PPARGC1A: variants seen among roughly 807,000 people sequenced by gnomAD.
The protein encoded by PPARGC1A is peroxisome proliferator-activated receptor gamma coactivator 1-alpha.
In PPARGC1A, 25 loss-of-function variants were observed where a neutral mutation model predicts 88.7. The ratio of observed to expected loss-of-function variants is 0.28; its 90% CI spans 0.21 to 0.39. PPARGC1A has a LOEUF of 0.39. PPARGC1A is among the 10% of genes least tolerant of loss of function. The probability of loss-of-function intolerance (pLI) is 1.00; values close to 1 mark genes in which losing one functional copy is unlikely to be tolerated. For missense variants in PPARGC1A, 880 were observed against 968.7 expected (o/e 0.91, Z 1.22); for synonymous variants, 363 against 355.6 (o/e 1.02, Z -0.24).
At position 23,813,796 on chromosome 4, in the gene PPARGC1A, G is replaced by C. The variant is rs1021400171; in HGVS notation, c.1687C>G (p.Gln563Glu). ...GACCTTGAACGAGAGCGCATCCTTTGGGGTCTTTGAGAAAATAAGGATTTG... is the reference window on the plus strand; with the variant it reads ...GACCTTGAACGAGAGCGCATCCTTTCGGGTCTTTGAGAAAATAAGGATTTG... ...PPKSLFSQRP[Q>E]RMRSRSRSFS... The change falls in exon 8 of 13, where the codon CAA becomes GAA. Residue 563 changes from glutamine (Q) to glutamate (E), a missense_variant. Gln to Glu is a conservative substitution (Grantham distance 29). Coordinates refer to ENST00000264867, the MANE Select transcript of PPARGC1A (RefSeq NM_013261.5). 2 of 1,613,318 alleles carry C rather than the reference G, an allele frequency of 1.2e-6. No homozygotes were observed. The highest frequency in any genetic ancestry group is 3.3e-5 in the Admixed American group (2 of 59,974).
At chr4:23,914,553 A>G in the PPARGC1A span, among the ~76,000 whole-genome samples, 1 of 152,236 alleles carries the variant, frequency 6.6e-6, no homozygotes, top group African/African-American at 2.4e-5. Context: ...CCAAAACTTG[A>G]GAATATGATT....
chr4:23,996,841 C>T, the PPARGC1A span, among the ~76,000 whole-genome samples: 20 of 152,162 alleles, frequency 1.3e-4, 1 homozygote, highest in African/African-American at 4.1e-4. Flanking sequence ...TAACAAAAAC[C>T]GGTGGCCAAG....
the PPARGC1A span, among the ~76,000 whole-genome samples, chr4:24,132,397 G>A: frequency 5.3e-5 from 8 of 152,206 alleles, no homozygotes; most frequent in Non-Finnish European, 8.8e-5. Flanking sequence ...GCTGCCTAGA[G>A]TCCCGGTGAC....
At chr4:23,958,203 A>G in the PPARGC1A span, among the ~76,000 whole-genome samples, 1 of 152,114 alleles carries the variant, frequency 6.6e-6, no homozygotes, top group Non-Finnish European at 1.5e-5. Flanking sequence ...TTTTACAATA[A>G]TCATCATTTT....
At chr4:24,132,473 C>T in the PPARGC1A span, among the ~76,000 whole-genome samples, 1 of 152,182 alleles carries the variant, frequency 6.6e-6, no homozygotes, top group African/African-American at 2.4e-5. Context: ...TCGAGTAATA[C>T]AGCAGCTGCT....
At chr4:23,890,602 C>CTTTTTTTTTTT (rs56855205), upstream of PPARGC1A, among the ~76,000 whole-genome samples, 3 of 103,230 alleles carry the variant, frequency 2.9e-5, no homozygotes, top group Non-Finnish European at 3.8e-5. Flanking sequence ...GCAAACGGGG[C>CTTTTTTTTTTT]TTTTTTTTTT....
At position 23,813,410 on chromosome 4, in the gene PPARGC1A, C is replaced by A. The variant is rs1160929163; in HGVS notation, c.1793+280G>T. Among the ~76,000 whole-genome samples the A allele has an allele frequency of 3.9e-5, 6 of 152,268 alleles. No homozygotes were observed. In the East Asian group the frequency reaches 5.8e-4, roughly 15 times the overall value. ...GGATCTCCACTATCCTGGCACAGGG[C>A]AGCTCTCCAGGTAATGGAAAAAGTT... On this transcript the variant is annotated intron_variant, in intron 8 of 12. Coordinates refer to ENST00000264867, the MANE Select transcript of PPARGC1A (RefSeq NM_013261.5).
the PPARGC1A span, among the ~76,000 whole-genome samples, chr4:24,385,772 C>T: frequency 2.0e-5 from 3 of 152,096 alleles, no homozygotes; most frequent in East Asian, 5.8e-4. Flanking sequence ...CCAAAAAAAG[C>T]CCAGGACCAG....
At chr4:24,461,980 T>C in the PPARGC1A span, among the ~76,000 whole-genome samples, 2 of 152,220 alleles carry the variant, frequency 1.3e-5, no homozygotes, top group Non-Finnish European at 2.9e-5. Context: ...TCTATCTTCT[T>C]TGCATCCAGG....
At chr4:24,036,512 G>A in the PPARGC1A span, among the ~76,000 whole-genome samples, 10 of 151,986 alleles carry the variant, frequency 6.6e-5, no homozygotes, top group Admixed American at 3.9e-4. Flanking sequence ...GGAGAGGGAC[G>A]AAGTGAAATG....
the PPARGC1A span, among the ~76,000 whole-genome samples, chr4:24,143,170 A>G: frequency 6.6e-6 from 1 of 152,166 alleles, no homozygotes; most frequent in Non-Finnish European, 1.5e-5. Context: ...GAAGATTAGG[A>G]GTGATGTTTA....
the PPARGC1A span, among the ~76,000 whole-genome samples, chr4:24,095,570 G>A: frequency 6.6e-6 from 1 of 152,052 alleles, no homozygotes; most frequent in Admixed American, 6.5e-5. Context: ...TGAGGGTAAG[G>A]ACAGATTCAG....
chr4:23,823,615 T>C (rs1179396847), intron 7 of PPARGC1A, among the ~76,000 whole-genome samples: 2 of 152,104 alleles, frequency 1.3e-5, no homozygotes, highest in African/African-American at 4.8e-5. Flanking sequence ...AATAGTGTTA[T>C]GTATTTAAGA....
chr4:24,049,322 A>ATATATATATG, the PPARGC1A span, among the ~76,000 whole-genome samples: 2,171 of 141,938 alleles, frequency 0.015, 23 homozygotes, highest in Non-Finnish European at 0.016. Flanking sequence ...ATATATATAT[A>ATATATATATG]TGTGTGTGTG....
the PPARGC1A span, among the ~76,000 whole-genome samples, chr4:24,214,500 A>G: frequency 4.8e-3 from 731 of 152,320 alleles, 29 homozygotes; most frequent in East Asian, 0.094. Flanking sequence ...GAAGAGGAGG[A>G]AGACATAAAA....
chr4:24,133,743 A>G, the PPARGC1A span, among the ~76,000 whole-genome samples: 1 of 152,198 alleles, frequency 6.6e-6, no homozygotes. Context: ...AGGCAAGCAC[A>G]AGGGGACATT....
At chr4:24,419,249 T>G in the PPARGC1A span, among the ~76,000 whole-genome samples, 1 of 151,702 alleles carries the variant, frequency 6.6e-6, no homozygotes, top group Admixed American at 6.6e-5. Flanking sequence ...GGACGCCATC[T>G]GTTGCTCAGT....
chr4:24,088,146 C>A, the PPARGC1A span, among the ~76,000 whole-genome samples: 1 of 151,718 alleles, frequency 6.6e-6, no homozygotes. Context: ...CCCAGGAGTT[C>A]AAGATTAGTC....
At chr4:24,403,191 T>C in the PPARGC1A span, among the ~76,000 whole-genome samples, 1 of 152,140 alleles carries the variant, frequency 6.6e-6, no homozygotes, top group Non-Finnish European at 1.5e-5. Context: ...AAGGACACAA[T>C]GCCACTCTCC....
Sources: allele counts gnomAD v4.1 joint callset (sites outside exome capture counted in the v4.1 genomes callset), GRCh38; gene constraint gnomAD v4.1.1; transcripts MANE v1.5; gene names NCBI Gene and HGNC (gene_info 2026-07-23, HGNC 2026-07-21).